The following RABGAP1L variants were observed in gnomAD, a reference collection of about 807,000 sequenced individuals.
RABGAP1L encodes the protein RAB GTPase activating protein 1 like.
In RABGAP1L, 63 loss-of-function variants were observed where a neutral mutation model predicts 137.7. That is an observed-to-expected ratio of 0.46 (90% CI 0.37 to 0.56). The LOEUF (loss-of-function observed/expected upper bound fraction) is 0.56. RABGAP1L is among the 20% of genes least tolerant of loss of function. The pLI, the probability that RABGAP1L is intolerant of heterozygous loss-of-function variation, is 0.00. For missense variants in RABGAP1L, 1,095 were observed against 1,244.0 expected (o/e 0.88, Z 1.80); for synonymous variants, 431 against 433.7 (o/e 0.99, Z 0.08).
intron 19 of RABGAP1L, among the ~76,000 whole-genome samples, chr1:174,864,464 T>A (rs975312578): frequency 2.6e-5 from 4 of 152,188 alleles, no homozygotes; most frequent in African/African-American, 9.7e-5. Context: ...TCAGGAAACT[T>A]ACAGTTACTG....
Position 174,906,523 on chromosome 1 carries a change from G to A in RABGAP1L, c.2341-50934G>A, listed in dbSNP as rs117124587. ...GATGCCTATAATCCCAGCTACTGGGGAGGGTGAGGCAGGAAAATTGCTGGA... is the reference window on the plus strand; with the variant it reads ...GATGCCTATAATCCCAGCTACTGGGAAGGGTGAGGCAGGAAAATTGCTGGA... On this transcript the variant is annotated intron_variant, in intron 19 of 25. Coordinates refer to ENST00000681986, the MANE Select transcript of RABGAP1L (RefSeq NM_001366446.1). Among the ~76,000 whole-genome samples, 487 of 152,210 alleles carry A rather than the reference G, an allele frequency of 3.2e-3. 16 individuals carry two copies. In the East Asian group the frequency reaches 0.07, roughly 22 times the overall value.
At chr1:174,179,494 A>G (rs1036783383) in intron 1 of RABGAP1L, among the ~76,000 whole-genome samples, 4 of 152,044 alleles carry the variant, frequency 2.6e-5, no homozygotes, top group Non-Finnish European at 4.4e-5. Context: ...TGTGTGCTCA[A>G]AAGGTTGGAG....
intron 18 of RABGAP1L, among the ~76,000 whole-genome samples, chr1:174,811,096 T>C (rs1250448204): frequency 6.6e-6 from 1 of 152,056 alleles, no homozygotes; most frequent in African/African-American, 2.4e-5. Context: ...AGACCTTGTC[T>C]CAAAAAAAGT....
intron 19 of RABGAP1L, among the ~76,000 whole-genome samples, chr1:174,915,058 T>G (rs1660640601): frequency 6.6e-6 from 1 of 152,218 alleles, no homozygotes; most frequent in Non-Finnish European, 1.5e-5. Flanking sequence ...AGCCCACATT[T>G]TGTTTATCCA....
intron 13 of RABGAP1L, among the ~76,000 whole-genome samples, chr1:174,410,130 A>G (rs1458351709): frequency 1.3e-5 from 2 of 152,168 alleles, no homozygotes; most frequent in East Asian, 1.9e-4. Context: ...CCAGGTGGGC[A>G]TCACGGTCCT....
intron 17 of RABGAP1L, among the ~76,000 whole-genome samples, chr1:174,718,712 A>G (rs908380162): frequency 6.6e-6 from 1 of 152,142 alleles, no homozygotes; most frequent in African/African-American, 2.4e-5. Flanking sequence ...GAAACCCTCC[A>G]TGGGAAGGAG....
chr1:174,874,517 G>C, intron 19 of RABGAP1L: 2 of 980,994 alleles, frequency 2.0e-6, no homozygotes, highest in Non-Finnish European at 2.4e-6. Flanking sequence ...GTAAGTTTTA[G>C]CTTCAAATGG....
chr1:174,174,647 G>T (rs1490520524), intron 1 of RABGAP1L, among the ~76,000 whole-genome samples: 1 of 152,210 alleles, frequency 6.6e-6, no homozygotes, highest in African/African-American at 2.4e-5. Context: ...GAGGCTGAAG[G>T]CTGAAAAACT....
chr1:174,484,391 GA>G (rs1659428679), intron 13 of RABGAP1L, among the ~76,000 whole-genome samples: 1 of 152,152 alleles, frequency 6.6e-6, no homozygotes, highest in South Asian at 2.1e-4. Context: ...TTGCTATGCA[GA>G]AGATTTTTAC....
At chr1:174,277,773 T>C (rs1675124952) in intron 9 of RABGAP1L, among the ~76,000 whole-genome samples, 1 of 152,140 alleles carries the variant, frequency 6.6e-6, no homozygotes, top group Non-Finnish European at 1.5e-5. Context: ...TTCTGTCTTG[T>C]GTTATTACTC....
chr1:174,318,176 T>C (rs1208121792), intron 11 of RABGAP1L, among the ~76,000 whole-genome samples: 1 of 152,162 alleles, frequency 6.6e-6, no homozygotes, highest in East Asian at 1.9e-4. Flanking sequence ...GTTAAATTGA[T>C]GTTCTTGCAC....
chr1:174,357,737 C>T (rs1683761278), intron 11 of RABGAP1L, among the ~76,000 whole-genome samples: 2 of 152,180 alleles, frequency 1.3e-5, no homozygotes, highest in African/African-American at 2.4e-5. Context: ...ACCTGTCTCT[C>T]ATCTTTCTAT....
intron 13 of RABGAP1L, among the ~76,000 whole-genome samples, chr1:174,537,850 G>T (rs1665014179): frequency 6.6e-6 from 1 of 152,118 alleles, no homozygotes; most frequent in South Asian, 2.1e-4. Context: ...TTTTAAGGAA[G>T]ATCTTCCATG....
chr1:174,979,686 T>C (rs1042158426), intron 23 of RABGAP1L, among the ~76,000 whole-genome samples: 4 of 152,340 alleles, frequency 2.6e-5, no homozygotes, highest in Middle Eastern at 3.4e-3. Context: ...AGCTTTCTAT[T>C]GTGAACCTTA....
At chr1:174,984,495 C>T in intron 24 of RABGAP1L, among the ~76,000 whole-genome samples, 1 of 152,140 alleles carries the variant, frequency 6.6e-6, no homozygotes, top group East Asian at 1.9e-4. Flanking sequence ...AATCCCAACA[C>T]TTTGGGAGGC....
intron 15 of RABGAP1L, among the ~76,000 whole-genome samples, chr1:174,689,839 T>C (rs1303609984): frequency 5.3e-5 from 8 of 152,112 alleles, no homozygotes. Context: ...GGTCTTCCTA[T>C]AGGAAGAGGG....
At position 174,219,112 on chromosome 1, in the gene RABGAP1L, T is replaced by C. The variant is rs375853753; in HGVS notation, c.-33-13T>C. The C allele has an allele frequency of 1.3e-6, 2 of 1,530,678 alleles. No homozygotes were observed. Among genetic ancestry groups the C allele is most frequent in the Non-Finnish European group, 1.8e-6 (2 of 1,133,558 alleles). The allele number at this position is 1,530,678 out of a possible 1,614,324, so 94.8% of individuals were successfully genotyped here. A position where few individuals can be genotyped will look rare whatever the true frequency, so the allele number is the denominator to read the frequency against. ...CAGTAGGTTTTTTTTTTTAATCCCT[T>C]TTGTTTTTCCAGGTGGTTGTGGGAA... is the stretch of plus-strand genomic sequence containing the variant. On this transcript the variant is annotated splice_polypyrimidine_tract_variant and intron_variant, in intron 1 of 25. Coordinates refer to ENST00000681986, the MANE Select transcript of RABGAP1L (RefSeq NM_001366446.1).
At chr1:174,649,778 C>T (rs1016529994) in intron 14 of RABGAP1L, among the ~76,000 whole-genome samples, 1 of 152,140 alleles carries the variant, frequency 6.6e-6, no homozygotes, top group African/African-American at 2.4e-5. Context: ...ATGTCATCTG[C>T]AAACGGACAA....
intron 11 of RABGAP1L, among the ~76,000 whole-genome samples, chr1:174,312,950 G>C (rs1015737067): frequency 5.9e-5 from 9 of 152,068 alleles, no homozygotes; most frequent in African/African-American, 2.2e-4. Flanking sequence ...AGTTCCATTG[G>C]TCTATGTGTC....
Sources: allele counts gnomAD v4.1 joint callset (sites outside exome capture counted in the v4.1 genomes callset), GRCh38; gene constraint gnomAD v4.1.1; transcripts MANE v1.5; gene names NCBI Gene and HGNC (gene_info 2026-07-23, HGNC 2026-07-21).